The following HECTD4 variants were observed in gnomAD, a reference collection of about 807,000 sequenced individuals.
The protein encoded by HECTD4 is HECT domain E3 ubiquitin protein ligase 4.
A neutral mutation model predicts 471.5 loss-of-function variants in HECTD4; 114 were observed. That is an observed-to-expected ratio of 0.24 (90% confidence interval 0.21 to 0.28). HECTD4 has a LOEUF of 0.28. HECTD4 is among the 10% of genes least tolerant of loss of function. The probability of loss-of-function intolerance (pLI) is 1.00; values close to 1 mark genes in which losing one functional copy is unlikely to be tolerated. For missense variants in HECTD4, 3,866 were observed against 5,651.5 expected (o/e 0.68, Z 10.13); for synonymous variants, 2,012 against 2,256.0 (o/e 0.89, Z 3.07).
Position 112,184,618 on chromosome 12 carries a change from C to G in HECTD4, c.10348G>C (p.Gly3450Arg). Residue 3450 changes from glycine to arginine, a missense_variant, in exon 61 of 76, where the codon GGC (glycine) becomes CGC (arginine). Transcript: ENST00000682272. This position sits in a 1 kb window ranked among gnomAD's most constrained non-coding sequence, Gnocchi z 9.1. ...TCGGGCTCAACTTTCCCGTCCCCGC[C>G]CTCGGCCTTGTCTTTTGGCTTCTTG... ...DTKKPKDKAE[G>R]GDGKVEPEKT... 1 of 1,613,910 alleles carries G rather than the reference C, an allele frequency of 6.2e-7. No homozygotes were observed. Among genetic ancestry groups the G allele is most frequent in the Non-Finnish European group, 8.5e-7 (1 of 1,179,878 alleles).
At chr12:112,265,326 A>C (rs1425909152) in intron 15 of HECTD4, 31 bp from the exon 16 acceptor site, 2 of 1,391,914 alleles carry the variant, frequency 1.4e-6, no homozygotes, top group Non-Finnish European at 2.0e-6. Context: ...GTAACAATAA[A>C]ATATTGATGG....
rs2036798610 is a variant in HECTD4, at chr12:112,377,267, T to A, written c.177+4685A>T. On this transcript the variant is annotated intron_variant, in intron 1 of 75. Coordinates refer to ENST00000682272, the MANE Select transcript of HECTD4 (RefSeq NM_001388303.1). ...CTGGACAATATAGCAAGGCCCCAAC[T>A]CTAATAAAAAAAAAAAATAAAACAA... Among the ~76,000 whole-genome samples, 3 of 151,152 alleles carry A rather than the reference T, an allele frequency of 2.0e-5. No individual in the cohort carries two copies. The South Asian group carries it at 6.3e-4, about 32-fold the overall frequency.
chr12:112,162,106 G>T lies in HECTD4; in HGVS notation c.*281C>A, dbSNP rs1331784178. 4 of 356,574 alleles carry T rather than the reference G, an allele frequency of 1.1e-5. No individual in the cohort carries two copies. Among genetic ancestry groups the T allele is most frequent in the Non-Finnish European group, 2.1e-5 (4 of 193,746 alleles). 22.1% of individuals were successfully genotyped at this position (356,574 alleles called of 1,614,324 possible). On this transcript the variant is annotated 3_prime_UTR_variant, in exon 76 of 76. Coordinates refer to ENST00000682272, the MANE Select transcript of HECTD4 (RefSeq NM_001388303.1). The surrounding 1 kb of genome is among the most constrained non-coding windows in gnomAD (Gnocchi z 5.2). ...GCATTAGAATCTGGTGGCCATGAGGGACAATGTCCAAGAAGATCAAATTAG... is the reference window on the plus strand; with the variant it reads ...GCATTAGAATCTGGTGGCCATGAGGTACAATGTCCAAGAAGATCAAATTAG...
At chr12:112,246,283 A>G (rs2033759255) in intron 29 of HECTD4, among the ~76,000 whole-genome samples, 1 of 152,198 alleles carries the variant, frequency 6.6e-6, no homozygotes, top group Non-Finnish European at 1.5e-5. Context: ...AAAAGTTACA[A>G]GATTTATGAT....
At position 112,192,661 on chromosome 12, in the gene HECTD4, G is replaced by C; in HGVS notation, c.9191C>G (p.Pro3064Arg). Residue 3064 changes from proline to arginine, a missense_variant, in exon 59 of 76, where the codon CCG (proline) becomes CGG (arginine). Around this residue, in one of 16 missense-constraint regions of HECTD4, gnomAD observed 364 missense variants for 413.2 expected, o/e 0.88. Transcript: ENST00000682272. ...QLNLIEAACY[P>R]RDASPANTGL... Reference sequence around the variant, plus strand: ...AGTGTTGGCTGGGGACGCGTCCCGCGGGTAACAGGCGGCCTCGATGAGGTT... The same window carrying C: ...AGTGTTGGCTGGGGACGCGTCCCGCCGGTAACAGGCGGCCTCGATGAGGTT... 1.9e-6 allele frequency: 3 copies of C among 1,606,866 alleles called. No individual in the cohort carries two copies. Among genetic ancestry groups the C allele is most frequent in the Non-Finnish European group, 2.5e-6 (3 of 1,177,032 alleles).
chr12:112,215,066 T>A (rs377658696), intron 48 of HECTD4, among the ~76,000 whole-genome samples: 5 of 152,096 alleles, frequency 3.3e-5, no homozygotes, highest in East Asian at 3.8e-4. Context: ...GGCAGGAGAA[T>A]TGCTTGAGCC....
At chr12:112,283,328 A>G (rs755203431) in intron 7 of HECTD4, 26 bp from the exon 8 acceptor site, 1 of 1,560,064 alleles carries the variant, frequency 6.4e-7, no homozygotes, top group Non-Finnish European at 8.8e-7. Context: ...AGGAGGTCCT[A>G]AAATGATATC....
chr12:112,229,327 A>AAAAC (rs111958992), intron 41 of HECTD4, among the ~76,000 whole-genome samples: 10,067 of 151,292 alleles, frequency 0.067, 738 homozygotes, highest in African/African-American at 0.17. Context: ...ACTCTGTCTC[A>AAAAC]AAACAAACAA....
chr12:112,248,100 G>A lies in HECTD4; in HGVS notation c.4215C>T (p.Asn1405=). The A allele has an allele frequency of 6.2e-7, 1 of 1,613,220 alleles. No individual in the cohort carries two copies. The highest frequency in any genetic ancestry group is 2.2e-5 in the East Asian group (1 of 44,852). The change falls in exon 27 of 76, where the codon AAC becomes AAT. Residue 1405 remains asparagine, a synonymous_variant. Transcript: ENST00000682272. The part of the protein sequence containing the change: ...DDAMQGKLEN[N]MPFFYDYHFN... ...AATGGTAATCATAAAAGAAAGGCAT[G>A]TTGTTCTCCAGTTTCCCCTGCATGG...
At chr12:112,376,969 A>G (rs1217284616) in intron 1 of HECTD4, among the ~76,000 whole-genome samples, 2 of 152,116 alleles carry the variant, frequency 1.3e-5, no homozygotes, top group Admixed American at 6.6e-5. Context: ...AAAATTAGCC[A>G]GGCGTGGTGG....
At position 112,351,824 on chromosome 12, in the gene HECTD4, T is replaced by G. The variant is rs149412795; in HGVS notation, c.177+30128A>C. Reference sequence around the variant, plus strand: ...CATAGCCTAATAGATAAAATTACTGTCGGCATGTTTAAAAGGCAAAAATTC... The same window carrying G: ...CATAGCCTAATAGATAAAATTACTGGCGGCATGTTTAAAAGGCAAAAATTC... On this transcript the variant is annotated intron_variant, in intron 1 of 75. Coordinates refer to ENST00000682272, the MANE Select transcript of HECTD4 (RefSeq NM_001388303.1). Among the ~76,000 whole-genome samples the G allele has an allele frequency of 5.5e-3, 843 of 152,362 alleles. 7 individuals carry two copies. The highest frequency in any genetic ancestry group is 0.019 in the African/African-American group (796 of 41,586).
chr12:112,326,504 CA>C (rs1387639856), intron 1 of HECTD4, among the ~76,000 whole-genome samples: 2 of 151,702 alleles, frequency 1.3e-5, no homozygotes, highest in Non-Finnish European at 2.9e-5. Context: ...AAAACAAAAA[CA>C]AAAACAAAAA....
intron 39 of HECTD4, 148 bp downstream of exon 39, chr12:112,231,365 C>T (rs1463018109): frequency 1.4e-5 from 10 of 701,380 alleles, no homozygotes; most frequent in African/African-American, 7.0e-5. Context: ...GTACTCCAGG[C>T]TGTACCTTGA....
At position 112,183,049 on chromosome 12, in the gene HECTD4, C is replaced by T. The variant is rs1189002125; in HGVS notation, c.10987+10G>A. 6.2e-6 allele frequency: 10 copies of T among 1,606,030 alleles called. No homozygotes were observed. Among genetic ancestry groups the T allele is most frequent in the Non-Finnish European group, 7.7e-6 (9 of 1,174,178 alleles). On this transcript the variant is annotated intron_variant, in intron 62 of 75. Coordinates refer to ENST00000682272, the MANE Select transcript of HECTD4 (RefSeq NM_001388303.1). ...AAAGTCTACAGATTAAAAACAAATC[C>T]AGAACCCACCTTTAATTGACTTATC...
At chr12:112,263,976 T>A in intron 17 of HECTD4, 108 bp downstream of exon 17, 1 of 1,077,112 alleles carries the variant, frequency 9.3e-7, no homozygotes, top group South Asian at 2.4e-5. Flanking sequence ...CTCACAAGAA[T>A]ATAAGCCACA....
chr12:112,325,451 A>G (rs918573055), intron 1 of HECTD4, among the ~76,000 whole-genome samples: 3 of 152,206 alleles, frequency 2.0e-5, no homozygotes, highest in African/African-American at 4.8e-5. Flanking sequence ...TCAGAATTCT[A>G]AAGTTTGAAG....
Position 112,243,676 on chromosome 12 carries a change from A to G in HECTD4, c.4735T>C (p.Tyr1579His). 6.2e-7 allele frequency: 1 copy of G among 1,613,560 alleles called. No individual in the cohort carries two copies. Among genetic ancestry groups the G allele is most frequent in the Non-Finnish European group, 8.5e-7 (1 of 1,179,632 alleles). Residue 1579 changes from tyrosine (Y) to histidine (H), a missense_variant, in exon 31 of 76, where the codon TAC becomes CAC. Coordinates refer to ENST00000682272, the MANE Select transcript of HECTD4 (RefSeq NM_001388303.1). The surrounding 1 kb of genome is among the most constrained non-coding windows in gnomAD (Gnocchi z 6.6). ...AACAGCTGCCCTAGCAGGACACTGT[A>G]GGTGGGCTTGTCCCTGCTGTCCTCA... is the stretch of plus-strand genomic sequence containing the variant. ...AIEDSRDKPT[Y>H]SVLLGQLFAF...
At chr12:112,347,946 C>T (rs1002980552) in intron 1 of HECTD4, among the ~76,000 whole-genome samples, 2 of 152,176 alleles carry the variant, frequency 1.3e-5, no homozygotes, top group Non-Finnish European at 2.9e-5. Flanking sequence ...CTTTTTCAGG[C>T]TGTCACCTCA....
intron 73 of HECTD4, 92 bp downstream of exon 73, chr12:112,164,017 C>T (rs1056772584): frequency 1.3e-5 from 16 of 1,276,062 alleles, no homozygotes; most frequent in South Asian, 4.0e-5. Flanking sequence ...CCTAGGTCCT[C>T]GTGTCATTGC....
Sources: allele counts gnomAD v4.1 joint callset (sites outside exome capture counted in the v4.1 genomes callset), GRCh38; gene constraint gnomAD v4.1.1; regional missense constraint gnomAD v4.1.1; non-coding constraint Gnocchi (gnomAD v3.1); transcripts MANE v1.5; gene names NCBI Gene and HGNC (gene_info 2026-07-23, HGNC 2026-07-21).